PTPRE: variants seen among roughly 807,000 people sequenced by gnomAD.
The protein encoded by PTPRE is receptor-type tyrosine-protein phosphatase epsilon.
In PTPRE, 51 loss-of-function variants were observed where a neutral mutation model predicts 102.0. The ratio of observed to expected loss-of-function variants is 0.50; its 90% confidence interval spans 0.40 to 0.63. The LOEUF (loss-of-function observed/expected upper bound fraction) is 0.63, where lower values mean the gene tolerates loss of function less well. Ranked by LOEUF, PTPRE falls within the 30% of genes least tolerant of loss-of-function variation. The probability of loss-of-function intolerance (pLI) is 0.00; values close to 1 mark genes in which losing one functional copy is unlikely to be tolerated. For synonymous variants in PTPRE, 345 were observed against 348.2 expected, an observed-to-expected ratio of 0.99 and a Z score of 0.10; for missense variants, 752 against 915.1, an observed-to-expected ratio of 0.82 and a Z score of 2.30.
intron 12 of PTPRE, 165 bp from the exon 13 acceptor site, chr10:128,069,527 G>A: frequency 1.1e-6 from 1 of 883,716 alleles, no homozygotes; most frequent in Non-Finnish European, 1.7e-6. Context: ...TCACTTTACT[G>A]AGACCACAGC....
chr10:128,041,155 G>T (rs997251774), intron 3 of PTPRE, among the ~76,000 whole-genome samples, 165 bp downstream of exon 3: 1 of 152,182 alleles, frequency 6.6e-6, no homozygotes, highest in Non-Finnish European at 1.5e-5. Context: ...GGCTAAATAA[G>T]CTAGTTTAGC....
intron 10 of PTPRE, among the ~76,000 whole-genome samples, chr10:128,065,228 T>C (rs1248531159): frequency 1.3e-5 from 2 of 152,232 alleles, no homozygotes; most frequent in African/African-American, 4.8e-5. Context: ...AGACTGTTAA[T>C]CCTGGAGGCT....
chr10:128,015,453 G>A lies in PTPRE; in HGVS notation c.-7-25422G>A, dbSNP rs577310683. Among the ~76,000 whole-genome samples the A allele has an allele frequency of 3.6e-4, 54 of 151,948 alleles. No homozygotes were observed. The East Asian group carries it at 5.0e-3, about 14-fold the overall frequency. ...GTGATCTCGGCTCACTGCAAGCTCCGCCTCCTGGGTTCACACCATTCTCCT... is the reference window on the plus strand; with the variant it reads ...GTGATCTCGGCTCACTGCAAGCTCCACCTCCTGGGTTCACACCATTCTCCT... On this transcript the variant is annotated intron_variant, in intron 2 of 20. Transcript: ENST00000254667.
chr10:127,987,799 A>G (rs1164481127), intron 2 of PTPRE, among the ~76,000 whole-genome samples: 1 of 152,204 alleles, frequency 6.6e-6, no homozygotes, highest in Non-Finnish European at 1.5e-5. Context: ...GACATTTTGT[A>G]TCTTTGTAAT....
chr10:127,954,310 A>G (rs1849245431), intron 1 of PTPRE, among the ~76,000 whole-genome samples: 1 of 152,188 alleles, frequency 6.6e-6, no homozygotes, highest in Non-Finnish European at 1.5e-5. Context: ...GGTCCCCAGT[A>G]TGGCACCATT....
At chr10:127,999,027 AG>A (rs34018242) in intron 2 of PTPRE, 26,642 of 152,044 alleles carry the variant, frequency 0.18, 2,601 homozygotes, top group East Asian at 0.38. Context: ...ATTTCTTCAA[AG>A]CAGCATCGTG....
Position 128,066,068 on chromosome 10 carries a change from C to A in PTPRE, c.724-7C>A. On this transcript the variant is annotated splice_region_variant and splice_polypyrimidine_tract_variant and intron_variant, in intron 10 of 20. Coordinates refer to ENST00000254667, the MANE Select transcript of PTPRE (RefSeq NM_006504.6). ...TCTATTTGCTTCTATTAAATTGTTC[C>A]GTGCAGGAAAAGTGCCATCAGTACT... 1 of 1,614,160 alleles carries A rather than the reference C, an allele frequency of 6.2e-7. No homozygotes were observed. Among genetic ancestry groups the A allele is most frequent in the Non-Finnish European group, 8.5e-7 (1 of 1,180,020 alleles).
intron 1 of PTPRE, among the ~76,000 whole-genome samples, chr10:127,973,284 C>T (rs1051428615): frequency 2.0e-5 from 3 of 152,156 alleles, no homozygotes; most frequent in Admixed American, 6.5e-5. Flanking sequence ...GTTAGGAGCA[C>T]AGTGATTTGT....
intron 1 of PTPRE, among the ~76,000 whole-genome samples, chr10:127,961,420 G>C (rs1171544862): frequency 1.3e-5 from 2 of 152,124 alleles, no homozygotes; most frequent in African/African-American, 2.4e-5. Context: ...GGGGCAGGGT[G>C]GGGGTGGGAG....
At chr10:128,067,272 ACACACACGCACC>A (rs1197578761) in intron 11 of PTPRE, among the ~76,000 whole-genome samples, 1 of 148,268 alleles carries the variant, frequency 6.7e-6, no homozygotes, top group Non-Finnish European at 1.5e-5. Context: ...ATACATGTGC[ACACACACGCACC>A]CACACACGCA....
rs1332861737 is a variant in PTPRE, at chr10:127,985,063, GA to G, written c.-8+2769del. On this transcript the variant is annotated intron_variant, in intron 2 of 20. Transcript: ENST00000254667. ...CAGAGACGTGCTTTTGAGTCAGTTA[GA>G]ACTAAAAAGATAGTCCACCTTGGGC... is the stretch of plus-strand genomic sequence containing the variant. Among the ~76,000 whole-genome samples, 12 of 152,328 alleles carry G rather than the reference GA, an allele frequency of 7.9e-5. No individual in the cohort carries two copies. The South Asian group carries it at 1.0e-3, about 13-fold the overall frequency.
In PTPRE at chr10:128,070,404, G is replaced by A; in HGVS notation, c.1247G>A (p.Gly416Asp). 2.5e-6 allele frequency: 4 copies of A among 1,614,138 alleles called. No homozygotes were observed. Among genetic ancestry groups the A allele is most frequent in the South Asian group, 1.1e-5 (1 of 91,088 alleles). The change falls in exon 14 of 21, where the codon GGC (glycine) becomes GAC (aspartate). Residue 416 changes from glycine to aspartate, a missense_variant. Transcript: ENST00000254667. This position sits in a 1 kb window ranked among gnomAD's most constrained non-coding sequence, Gnocchi z 4.8. Reference sequence around the variant, plus strand: ...GAGAAGCACCTGCAGACCATGCACGGCACCACCACCCACTTCGACAAGATC... The same window carrying A: ...GAGAAGCACCTGCAGACCATGCACGACACCACCACCCACTTCGACAAGATC... ...SLEKHLQTMHGTTTHFDKIGL... is the reference protein window; with the variant it reads ...SLEKHLQTMHDTTTHFDKIGL...
At position 128,060,877 on chromosome 10, in the gene PTPRE, G is replaced by C. The variant is rs928549218; in HGVS notation, c.512-62G>C. The C allele has an allele frequency of 4.0e-6, 6 of 1,516,844 alleles. No individual in the cohort carries two copies. In the African/African-American group the frequency reaches 8.2e-5, roughly 21 times the overall value. The allele number at this position is 1,516,844 out of a possible 1,614,324, so 94.0% of individuals were successfully genotyped here. ...TGAAGAGACAGCACTGTGATTTCTG[G>C]AAGAGACAGCACTGTGATTCCTGGT... On this transcript the variant is annotated intron_variant, in intron 7 of 20. Transcript: ENST00000254667.
intron 2 of PTPRE, among the ~76,000 whole-genome samples, chr10:128,020,314 CA>C (rs1194397245): frequency 6.6e-6 from 1 of 152,222 alleles, no homozygotes; most frequent in Non-Finnish European, 1.5e-5. Context: ...TGCACTAACA[CA>C]AATCCATTTT....
At position 128,073,484 on chromosome 10, in the gene PTPRE, G is replaced by C; in HGVS notation, c.1599+13G>C. The C allele has an allele frequency of 6.2e-7, 1 of 1,607,894 alleles. No homozygotes were observed. ...GGAGAGAGAGCAGGTGAGGAGTGCC[G>C]CCCAGCCCGGTCCCTCCAGGGCAGC... On this transcript the variant is annotated intron_variant, in intron 17 of 20. Coordinates refer to ENST00000254667, the MANE Select transcript of PTPRE (RefSeq NM_006504.6).
intron 12 of PTPRE, 197 bp downstream of exon 12, chr10:128,068,483 C>A: frequency 1.9e-6 from 1 of 516,914 alleles, no homozygotes; most frequent in Non-Finnish European, 3.1e-6. Flanking sequence ...CCTCTTCATC[C>A]CAGTCGATAA....
At chr10:127,934,333 T>C (rs1183548091) in intron 1 of PTPRE, 1 of 152,132 alleles carries the variant, frequency 6.6e-6, no homozygotes, top group African/African-American at 2.4e-5. Flanking sequence ...TTGTCCTTCA[T>C]GTGTTAGAAT....
intron 2 of PTPRE, among the ~76,000 whole-genome samples, chr10:127,983,441 C>T (rs754263704): frequency 6.6e-6 from 1 of 152,018 alleles, no homozygotes; most frequent in Non-Finnish European, 1.5e-5. Context: ...AGAGAAGGAT[C>T]GTTACTGGAA....
chr10:128,013,300 G>T (rs184162147), intron 2 of PTPRE, among the ~76,000 whole-genome samples: 1 of 152,272 alleles, frequency 6.6e-6, no homozygotes, highest in African/African-American at 2.4e-5. Flanking sequence ...CGTGAGTAGA[G>T]GAAACATAAA....
Sources: gnomAD v4.1 joint callset for allele counts (sites outside exome capture counted in the v4.1 genomes callset) on GRCh38, gnomAD v4.1.1 for gene constraint, Gnocchi (gnomAD v3.1) non-coding constraint, MANE v1.5 for transcripts, NCBI Gene and HGNC (gene_info 2026-07-23, HGNC 2026-07-21) for gene names.